ANKFN1: variants seen among roughly 807,000 people sequenced by gnomAD.
The protein encoded by ANKFN1 is ankyrin repeat and fibronectin type-III domain-containing protein 1.
ANKFN1 carries 74 observed loss-of-function variants against 108.7 expected under a neutral mutation model. That is an observed-to-expected ratio of 0.68 (90% CI 0.56 to 0.83). The LOEUF (loss-of-function observed/expected upper bound fraction) is 0.83. ANKFN1 is among the 40% of genes least tolerant of loss of function. The pLI is 0.00. For synonymous variants in ANKFN1, 547 were observed against 516.2 expected, an observed-to-expected ratio of 1.06 and a Z score of -0.81; for missense variants, 1,505 against 1,382.3, an observed-to-expected ratio of 1.09 and a Z score of -1.41.
chr17:56,281,580 G>A (rs943164650), intron 3 of ANKFN1, among the ~76,000 whole-genome samples: 1 of 152,074 alleles, frequency 6.6e-6, no homozygotes, highest in African/African-American at 2.4e-5. Flanking sequence ...CAAGCCACAG[G>A]CTGGAAAAAT....
chr17:56,245,317 T>G (rs1917882606), intron 3 of ANKFN1, among the ~76,000 whole-genome samples: 1 of 151,986 alleles, frequency 6.6e-6, no homozygotes, highest in South Asian at 2.1e-4. Flanking sequence ...AATCTAGTAT[T>G]TAGAGGGTTT....
intron 20 of ANKFN1, among the ~76,000 whole-genome samples, chr17:56,504,801 C>T (rs527261469): frequency 2.0e-5 from 3 of 150,892 alleles, no homozygotes; most frequent in Non-Finnish European, 2.9e-5. Context: ...ATTACAGGTG[C>T]CCACCACCAC....
chr17:56,303,401 A>G (rs1336725748), intron 3 of ANKFN1, among the ~76,000 whole-genome samples: 1 of 152,216 alleles, frequency 6.6e-6, no homozygotes, highest in African/African-American at 2.4e-5. Context: ...CCACTGGAGT[A>G]AATAGTATGT....
intron 4 of ANKFN1, among the ~76,000 whole-genome samples, chr17:56,091,107 G>A (rs1373551628): frequency 6.6e-6 from 1 of 150,968 alleles, no homozygotes; most frequent in Non-Finnish European, 1.5e-5. Context: ...AGACGTAGTA[G>A]CGCCTCAAAA....
At chr17:56,448,018 T>A (rs1359229043) in intron 10 of ANKFN1, among the ~76,000 whole-genome samples, 1 of 152,190 alleles carries the variant, frequency 6.6e-6, no homozygotes, top group Non-Finnish European at 1.5e-5. Flanking sequence ...CTAATTAAGT[T>A]TCTGAATGAA....
At chr17:56,157,587 AT>A (rs1909236928) in intron 1 of ANKFN1, among the ~76,000 whole-genome samples, 1 of 152,122 alleles carries the variant, frequency 6.6e-6, no homozygotes, top group South Asian at 2.1e-4. Context: ...ACCAGGGACT[AT>A]TTCCCTGCCT....
Position 56,477,623 on chromosome 17 carries a change from G to A in ANKFN1, c.1909G>A (p.Val637Met), listed in dbSNP as rs763328804. The A allele has an allele frequency of 1.5e-5, 24 of 1,612,636 alleles. No individual in the cohort carries two copies. The highest frequency in any genetic ancestry group is 6.7e-5 in the African/African-American group (5 of 74,744). ...AAAGTTGCCCAACATTCTCTGCCAC[G>A]TGAAGATCCGTGAAAACAATAATAT... ...TQKLPNILCH[V>M]KIRENNNISR... The change falls in exon 16 of 21, where the codon GTG becomes ATG. Residue 637 changes from valine to methionine, a missense_variant. Val to Met is a conservative substitution (Grantham distance 21). Transcript: ENST00000682825.
At chr17:56,208,265 C>T (rs889526851) in intron 1 of ANKFN1, among the ~76,000 whole-genome samples, 16 of 152,220 alleles carry the variant, frequency 1.1e-4, no homozygotes, top group Admixed American at 9.2e-4. Context: ...AGGTGATCCA[C>T]CTGCCTTGGC....
At position 56,516,859 on chromosome 17, in the gene ANKFN1, G is replaced by T. The variant is rs542810669; in HGVS notation, c.*5590G>T. Among the ~76,000 whole-genome samples the T allele has an allele frequency of 1.4e-4, 22 of 152,244 alleles. No individual in the cohort carries two copies. The South Asian group carries it at 3.3e-3, about 23-fold the overall frequency. On this transcript the variant is annotated 3_prime_UTR_variant, in exon 21 of 21. Transcript: ENST00000682825. ...TTCATAAGCATTAATTATACTTTAT[G>T]TCTTACCTAATATTGTTGATATCTA...
intron 3 of ANKFN1, among the ~76,000 whole-genome samples, chr17:56,231,286 T>C (rs1277606890): frequency 6.6e-6 from 1 of 152,192 alleles, no homozygotes; most frequent in Non-Finnish European, 1.5e-5. Flanking sequence ...TTGGTTTGTG[T>C]AATTTAGCTC....
At chr17:56,143,461 C>T (rs373043453) in intron 4 of ANKFN1, among the ~76,000 whole-genome samples, 70 of 152,294 alleles carry the variant, frequency 4.6e-4, no homozygotes, top group African/African-American at 1.6e-3. Flanking sequence ...CTGACTCTCA[C>T]TCAGCTGCAA....
intron 11 of ANKFN1, 128 bp downstream of exon 11, chr17:56,449,314 G>T: frequency 1.6e-6 from 1 of 610,626 alleles, no homozygotes. Context: ...TGTACATCTG[G>T]AATCACTTTA....
chr17:56,059,220 A>G (rs923031124), intron 4 of ANKFN1, among the ~76,000 whole-genome samples: 3 of 151,978 alleles, frequency 2.0e-5, no homozygotes, highest in African/African-American at 7.3e-5. Flanking sequence ...TTTTTTGGCC[A>G]TGTAAATGTC....
At chr17:56,317,931 C>T (rs1033458597) in intron 3 of ANKFN1, among the ~76,000 whole-genome samples, 4 of 152,106 alleles carry the variant, frequency 2.6e-5, no homozygotes, top group Non-Finnish European at 4.4e-5. Flanking sequence ...TTGTGAGACA[C>T]GATACACATT....
chr17:56,176,421 G>A (rs1159414960), intron 1 of ANKFN1, among the ~76,000 whole-genome samples: 1 of 152,198 alleles, frequency 6.6e-6, no homozygotes, highest in Non-Finnish European at 1.5e-5. Context: ...CAAGTTTAAA[G>A]TTTGGATTTG....
chr17:56,081,510 G>A (rs1375889349), intron 4 of ANKFN1, among the ~76,000 whole-genome samples: 2 of 151,844 alleles, frequency 1.3e-5, no homozygotes, highest in African/African-American at 2.4e-5. Flanking sequence ...CCGCCACCAC[G>A]CCCAGGTAAT....
At chr17:56,288,742 C>A (rs978662904) in intron 3 of ANKFN1, among the ~76,000 whole-genome samples, 7 of 152,260 alleles carry the variant, frequency 4.6e-5, no homozygotes, top group African/African-American at 1.7e-4. Context: ...GAGTAGTAGA[C>A]TCCCCAAAAA....
At chr17:56,370,117 A>G (rs1049893665) in intron 6 of ANKFN1, among the ~76,000 whole-genome samples, 8 of 152,156 alleles carry the variant, frequency 5.3e-5, no homozygotes, top group African/African-American at 1.9e-4. Flanking sequence ...TCACCACTAT[A>G]TTACATTAGA....
At chr17:56,467,176 A>G (rs1199496807) in intron 15 of ANKFN1, among the ~76,000 whole-genome samples, 2 of 152,186 alleles carry the variant, frequency 1.3e-5, no homozygotes, top group Non-Finnish European at 2.9e-5. Flanking sequence ...GAATCTCTAG[A>G]TAGTATAATC....
Sources: allele counts gnomAD v4.1 joint callset (sites outside exome capture counted in the v4.1 genomes callset), GRCh38; gene constraint gnomAD v4.1.1; transcripts MANE v1.5; gene names NCBI Gene and HGNC (gene_info 2026-07-23, HGNC 2026-07-21).